CRKL: variants seen among roughly 807,000 people sequenced by gnomAD.
The protein encoded by CRKL is CRK like proto-oncogene, adaptor protein, also known as crk-like protein.
A neutral mutation model predicts 23.0 loss-of-function variants in CRKL; 3 were observed. The ratio of observed to expected loss-of-function variants is 0.13; its 90% confidence interval spans 0.06 to 0.34. The LOEUF (loss-of-function observed/expected upper bound fraction) is 0.34, where lower values mean the gene tolerates loss of function less well. Among genes scored for constraint, CRKL ranks in the 10% least tolerant of loss-of-function variants. The probability of loss-of-function intolerance (pLI) is 1.00; values close to 1 mark genes in which losing one functional copy is unlikely to be tolerated. For missense variants in CRKL, 256 were observed against 394.5 expected (o/e 0.65, Z 2.97); for synonymous variants, 188 against 160.7 (o/e 1.17, Z -1.28).
chr22:20,947,524 G>A (rs1922107928), intron 2 of CRKL, among the ~76,000 whole-genome samples: 2 of 150,868 alleles, frequency 1.3e-5, no homozygotes, highest in African/African-American at 2.4e-5. Flanking sequence ...TTTTTCAGTA[G>A]AGATGAGGTT....
rs904188858 is a variant in CRKL, at chr22:20,950,390, G to GT, written c.*554dup. ...ACTAATTAATTAGACTTGTGTGGGG[G>GT]TTTTTTTTTGTTTTGTTTTGTTTGT... is the stretch of plus-strand genomic sequence containing the variant. On this transcript the variant is annotated 3_prime_UTR_variant, in exon 3 of 3. Coordinates refer to ENST00000354336, the MANE Select transcript of CRKL (RefSeq NM_005207.4). 34 of 230,336 alleles carry GT rather than the reference G, an allele frequency of 1.5e-4. No homozygotes were observed. The highest frequency in any genetic ancestry group is 5.5e-4 in the South Asian group (3 of 5,420). 14.3% of individuals were successfully genotyped at this position (230,336 alleles called of 1,614,324 possible). A position where few individuals can be genotyped will look rare whatever the true frequency, so the allele number is the denominator to read the frequency against.
intron 1 of CRKL, among the ~76,000 whole-genome samples, chr22:20,928,424 T>C (rs1319468024): frequency 1.3e-5 from 2 of 151,768 alleles, no homozygotes; most frequent in African/African-American, 4.8e-5. Context: ...ACTGCTGCAC[T>C]CCAGCCTGGG....
intron 2 of CRKL, 89 bp downstream of exon 2, chr22:20,934,333 T>G: frequency 1.7e-6 from 2 of 1,154,112 alleles, no homozygotes; most frequent in Non-Finnish European, 2.4e-6. Context: ...TTTAAGCTTA[T>G]ATTCATGGAA....
intron 2 of CRKL, among the ~76,000 whole-genome samples, chr22:20,949,232 C>T (rs1008020429): frequency 5.3e-5 from 8 of 152,112 alleles, no homozygotes; most frequent in Non-Finnish European, 5.9e-5. Flanking sequence ...CTCAAGCCAT[C>T]CTCTCACTTC....
rs1423481777 is a variant in CRKL, at chr22:20,952,826, CTG to C, written c.*2984_*2985del. On this transcript the variant is annotated 3_prime_UTR_variant, in exon 3 of 3. Transcript: ENST00000354336. ...CCTGCGGTACAGGAGTCAGCCATGT[CTG>C]TGCTGTGTGGAACCACCTGATGACA... The C allele has an allele frequency of 7.3e-5, 17 of 232,176 alleles. No individual in the cohort carries two copies. Among genetic ancestry groups the C allele is most frequent in the Middle Eastern group, 2.6e-3 (2 of 780 alleles). The allele number at this position is 232,176 out of a possible 1,614,324, so 14.4% of individuals were successfully genotyped here.
At chr22:20,918,386 C>G in intron 1 of CRKL, 141 bp downstream of exon 1, 2 of 960,696 alleles carry the variant, frequency 2.1e-6, no homozygotes, top group Non-Finnish European at 3.0e-6. Flanking sequence ...GCCTTCCTAA[C>G]AGAAAGCTAG....
At chr22:20,918,317 G>C (rs1037065504) in intron 1 of CRKL, 72 bp downstream of exon 1, 12 of 1,515,104 alleles carry the variant, frequency 7.9e-6, no homozygotes, top group Non-Finnish European at 1.1e-5. Flanking sequence ...TTGTATAGGG[G>C]GGTGGGGCGC....
intron 1 of CRKL, among the ~76,000 whole-genome samples, 189 bp downstream of exon 1, chr22:20,918,434 TTTTTTTTTCCCTC>T (rs1234121053): frequency 1.3e-5 from 2 of 151,952 alleles, no homozygotes; most frequent in Non-Finnish European, 2.9e-5. Context: ...GGATGCGTTT[TTTTTTTTTCCCTC>T]TCACGAGGCT....
rs370676250 is a variant in CRKL at position 20,943,366 on chromosome 22, A to G, written c.778-6345A>G. 7.8e-4 allele frequency among the ~76,000 whole-genome samples: 119 copies of G among 152,062 alleles called. 2 individuals are homozygous for G. The highest frequency in any genetic ancestry group is 6.0e-4 in the Non-Finnish European group (41 of 67,966). Reference sequence around the variant, plus strand: ...GCAATTCTCCTGCCTCAGCCTCCCAAATAGCCAGGATTACAGGCACTCACC... The same window carrying G: ...GCAATTCTCCTGCCTCAGCCTCCCAGATAGCCAGGATTACAGGCACTCACC... On this transcript the variant is annotated intron_variant, in intron 2 of 2. Coordinates refer to ENST00000354336, the MANE Select transcript of CRKL (RefSeq NM_005207.4).
chr22:20,942,480 A>G (rs1921914896), intron 2 of CRKL, among the ~76,000 whole-genome samples: 2 of 152,182 alleles, frequency 1.3e-5, no homozygotes, highest in Admixed American at 6.5e-5. Flanking sequence ...CTCTTGATGG[A>G]TACTTGAGTT....
intron 2 of CRKL, among the ~76,000 whole-genome samples, chr22:20,948,048 C>T (rs1236296249): frequency 6.6e-6 from 1 of 152,076 alleles, no homozygotes; most frequent in Middle Eastern, 3.4e-3. Flanking sequence ...ACTCAAAAGA[C>T]AGAAGTTTTT....
chr22:20,942,280 C>T (rs1921909699), intron 2 of CRKL, among the ~76,000 whole-genome samples: 1 of 152,160 alleles, frequency 6.6e-6, no homozygotes, highest in African/African-American at 2.4e-5. Context: ...CATGGGGTGA[C>T]TCACACCTGT....
chr22:20,941,555 TGTGTG>T (rs1921875667), intron 2 of CRKL, among the ~76,000 whole-genome samples: 1 of 41,252 alleles, frequency 2.4e-5, no homozygotes, highest in Admixed American at 2.6e-4. Flanking sequence ...TGTGTGTGTG[TGTGTG>T]TGTGTGTGTG....
rs1922272263 is a variant in CRKL, at chr22:20,951,435, G to A, written c.*1590G>A. On this transcript the variant is annotated 3_prime_UTR_variant, in exon 3 of 3. Coordinates refer to ENST00000354336, the MANE Select transcript of CRKL (RefSeq NM_005207.4). ...TTTCCCTGTTAGCTAAAAGAGGCCT[G>A]TTCATACAAGCCAACTGGTATATAC... 4.3e-6 allele frequency: 1 copy of A among 230,352 alleles called. No individual in the cohort carries two copies. The highest frequency in any genetic ancestry group is 8.6e-6 in the Non-Finnish European group (1 of 116,288). 14.3% of individuals were successfully genotyped at this position (230,352 alleles called of 1,614,324 possible).
rs1225754686 is a variant in CRKL, at chr22:20,952,752, C to G, written c.*2907C>G. 4.3e-6 allele frequency: 1 copy of G among 231,444 alleles called. No individual in the cohort carries two copies. Among genetic ancestry groups the G allele is most frequent in the African/African-American group, 2.2e-5 (1 of 45,236 alleles). The allele number at this position is 231,444 out of a possible 1,614,324, so 14.3% of individuals were successfully genotyped here. On this transcript the variant is annotated 3_prime_UTR_variant, in exon 3 of 3. Transcript: ENST00000354336. ...TTTCACCTGGGAAGGAAACAAATTA[C>G]GTACTAGAGGGCATTGACTGGTTAA...
chr22:20,944,267 G>A (rs537484808), intron 2 of CRKL, among the ~76,000 whole-genome samples: 2 of 151,226 alleles, frequency 1.3e-5, no homozygotes, highest in South Asian at 4.2e-4. Flanking sequence ...GGCATTACAG[G>A]TGTGAGCCAC....
chr22:20,918,739 A>C (rs1929784396), intron 1 of CRKL, among the ~76,000 whole-genome samples: 1 of 151,756 alleles, frequency 6.6e-6, no homozygotes, highest in African/African-American at 2.4e-5. Flanking sequence ...CTACTGGCTC[A>C]CGCCACCACA....
chr22:20,946,697 C>T (rs1351794073), intron 2 of CRKL, among the ~76,000 whole-genome samples: 1 of 142,612 alleles, frequency 7.0e-6, no homozygotes, highest in African/African-American at 2.6e-5. Context: ...AGAAGTTTCT[C>T]TGAAGGTGTA....
intron 1 of CRKL, among the ~76,000 whole-genome samples, chr22:20,927,218 T>C (rs1019601128): frequency 3.1e-5 from 3 of 96,692 alleles, no homozygotes; most frequent in African/African-American, 1.0e-4. Flanking sequence ...TTTGAGACAG[T>C]GTCGCTCTGT....
Sources: gnomAD v4.1 joint callset for allele counts (sites outside exome capture counted in the v4.1 genomes callset) on GRCh38, gnomAD v4.1.1 for gene constraint, MANE v1.5 for transcripts, NCBI Gene and HGNC (gene_info 2026-07-23, HGNC 2026-07-21) for gene names.